The following DHX8 variants were observed in gnomAD, a reference collection of about 807,000 sequenced individuals.
DHX8 encodes the protein DEAH-box helicase 8, also known as ATP-dependent RNA helicase DHX8.
A neutral mutation model predicts 140.7 loss-of-function variants in DHX8; 67 were observed. That is an observed-to-expected ratio of 0.48 (90% CI 0.39 to 0.58). DHX8 has a LOEUF of 0.58. DHX8 is among the 20% of genes least tolerant of loss of function. The pLI is 0.00. For missense variants in DHX8, 887 were observed against 1,550.7 expected (o/e 0.57, Z 7.19); for synonymous variants, 533 against 553.2 (o/e 0.96, Z 0.51).
At chr17:43,538,939 C>A (rs1002821963) in intron 3 of DHX8, among the ~76,000 whole-genome samples, 5 of 152,092 alleles carry the variant, frequency 3.3e-5, no homozygotes, top group Non-Finnish European at 7.4e-5. Context: ...AACCTCCACA[C>A]CCCCGGCCTA....
intron 8 of DHX8, among the ~76,000 whole-genome samples, chr17:43,495,941 T>A (rs1053202801): frequency 2.0e-5 from 3 of 151,460 alleles, no homozygotes; most frequent in East Asian, 1.9e-4. Context: ...CTAGAAAAAA[T>A]TTAAAAATTA....
At chr17:43,500,677 C>G (rs1364976526) in intron 11 of DHX8, among the ~76,000 whole-genome samples, 2 of 151,948 alleles carry the variant, frequency 1.3e-5, no homozygotes, top group Non-Finnish European at 2.9e-5. Flanking sequence ...CTTTGGGAGG[C>G]TGAGGCGGGC....
chr17:43,533,690 C>A (rs1971084100), intron 2 of DHX8, among the ~76,000 whole-genome samples: 1 of 152,098 alleles, frequency 6.6e-6, no homozygotes, highest in Non-Finnish European at 1.5e-5. Flanking sequence ...GCTGCGTTTT[C>A]CGTCTATTCA....
intron 2 of DHX8, among the ~76,000 whole-genome samples, 188 bp downstream of exon 2, chr17:43,489,722 C>T (rs1166314695): frequency 6.6e-6 from 1 of 151,580 alleles, no homozygotes; most frequent in Non-Finnish European, 1.5e-5. Flanking sequence ...TCCCAAGTAG[C>T]TGGGACTACA....
intron 3 of DHX8, among the ~76,000 whole-genome samples, chr17:43,542,959 G>A (rs1019164881): frequency 3.3e-5 from 5 of 152,268 alleles, no homozygotes; most frequent in East Asian, 1.9e-4. Flanking sequence ...ATGGGTTGCC[G>A]GGGTCACTGA....
rs1047975815 is a variant in DHX8, at chr17:43,515,434, G to A, written c.2644-1733G>A. Among the ~76,000 whole-genome samples the A allele has an allele frequency of 3.9e-5, 6 of 152,284 alleles. No homozygotes were observed. In the South Asian group the frequency reaches 6.2e-4, roughly 16 times the overall value. On this transcript the variant is annotated intron_variant, in intron 17 of 22. Coordinates refer to ENST00000262415, the MANE Select transcript of DHX8 (RefSeq NM_004941.3). ...CATCTCCTGACCACATGATCCACCC[G>A]CCTCAGCCTTCCAAAGTGCTGGGAT... is the stretch of plus-strand genomic sequence containing the variant.
chr17:43,493,942 T>A, intron 8 of DHX8, 56 bp downstream of exon 8: 1 of 1,585,112 alleles, frequency 6.3e-7, no homozygotes, highest in Non-Finnish European at 8.6e-7. Context: ...GCATGGTGCT[T>A]AGGGGTGTGC....
rs571036102 is a variant in DHX8, at chr17:43,539,639, G to A, written c.*20+3141G>A. ...CTACATGAATAAACATGCAATAATCGTTTGTCCTCAGGCTGGCAGAAGTCA... is the reference window on the plus strand; with the variant it reads ...CTACATGAATAAACATGCAATAATCATTTGTCCTCAGGCTGGCAGAAGTCA... On this transcript the variant is annotated intron_variant, in intron 3 of 3. Transcript: ENST00000589898. Among the ~76,000 whole-genome samples the A allele has an allele frequency of 1.2e-4, 18 of 152,262 alleles. 1 individual carries two copies. The East Asian group carries it at 1.9e-3, about 16-fold the overall frequency.
rs201571041 is a variant in DHX8 at position 43,532,746 on chromosome 17, C to T, written c.351-3666C>T. The T allele has an allele frequency of 5.9e-5, 96 of 1,614,046 alleles. 1 individual carries two copies. In the East Asian group the frequency reaches 1.1e-3, roughly 18 times the overall value. ...GCCCCTGGGTACCTGTGCCCATTGACCCCACCCTGGTCCACGGCTGGCTGG... is the reference window on the plus strand; with the variant it reads ...GCCCCTGGGTACCTGTGCCCATTGATCCCACCCTGGTCCACGGCTGGCTGG... On this transcript the variant is annotated intron_variant, in intron 2 of 3. Coordinates refer to the DHX8 transcript ENST00000589898.
chr17:43,520,413 A>G, intron 19 of DHX8, 146 bp downstream of exon 19: 1 of 1,077,948 alleles, frequency 9.3e-7, no homozygotes, highest in Non-Finnish European at 1.3e-6. Flanking sequence ...GAATTTCTCC[A>G]CTGTCACTTT....
At chr17:43,536,533 G>C in intron 3 of DHX8, 2 of 1,548,048 alleles carry the variant, frequency 1.3e-6, no homozygotes, top group Non-Finnish European at 1.8e-6. Context: ...TGTCCCCTGG[G>C]AGGCTCCATT....
chr17:43,539,027 C>T (rs1417389297), intron 3 of DHX8, among the ~76,000 whole-genome samples: 4 of 152,218 alleles, frequency 2.6e-5, no homozygotes, highest in Admixed American at 2.6e-4. Flanking sequence ...TCACCCACGG[C>T]CTCTTACCAG....
downstream of DHX8, chr17:43,525,860 A>G (rs944310043): frequency 2.7e-5 from 27 of 985,296 alleles, no homozygotes; most frequent in East Asian, 1.5e-3. Context: ...CCCAGCACTG[A>G]CAATGTTGAC....
At chr17:43,510,522 G>T (rs893320558) in intron 16 of DHX8, among the ~76,000 whole-genome samples, 1 of 152,174 alleles carries the variant, frequency 6.6e-6, no homozygotes, top group Non-Finnish European at 1.5e-5. Flanking sequence ...TTTATCTCTA[G>T]ATTACCTATA....
intron 2 of DHX8, chr17:43,536,379 T>C (rs1971243769): frequency 8.4e-6 from 13 of 1,540,566 alleles, no homozygotes; most frequent in Non-Finnish European, 1.2e-5. Flanking sequence ...ACTCACTTCC[T>C]GCCATCCTCC....
At position 43,492,968 on chromosome 17, in the gene DHX8, T is replaced by C. The variant is rs761508884; in HGVS notation, c.791T>C (p.Ile264Thr). ...VDRPPPEEPT[I>T]GDIYNGKVTS... ...CGCCCTCCTCCAGAAGAGCCCACCA[T>C]TGGTGACATTTATAATGGCAAAGTT... Residue 264 changes from isoleucine (I) to threonine (T), a missense_variant, in exon 6 of 23, where the codon ATT (isoleucine) becomes ACT (threonine). Physicochemically the swap from Ile to Thr is moderately conservative, Grantham distance 89 (BLOSUM62 -1). This residue lies in a region of DHX8 where 304 missense variants were observed against 306.9 expected (regional missense o/e 0.99). Coordinates refer to ENST00000262415, the MANE Select transcript of DHX8 (RefSeq NM_004941.3). 24 of 1,614,056 alleles carry C rather than the reference T, an allele frequency of 1.5e-5. No individual in the cohort carries two copies. Among genetic ancestry groups the C allele is most frequent in the Non-Finnish European group, 1.8e-5 (21 of 1,180,040 alleles).
downstream of DHX8, chr17:43,528,755 G>C: frequency 1.2e-6 from 2 of 1,611,658 alleles, no homozygotes; most frequent in Non-Finnish European, 1.7e-6. Context: ...TATGGGGAGA[G>C]AGAAGGTCTG....
chr17:43,517,095 A>G lies in DHX8; in HGVS notation c.2644-72A>G, dbSNP rs1970152211. 8 of 1,474,516 alleles carry G rather than the reference A, an allele frequency of 5.4e-6. No homozygotes were observed. The East Asian group carries it at 2.0e-4, about 37-fold the overall frequency. The allele number at this position is 1,474,516 out of a possible 1,614,324, so 91.3% of individuals were successfully genotyped here. On this transcript the variant is annotated intron_variant, in intron 17 of 22. Coordinates refer to ENST00000262415, the MANE Select transcript of DHX8 (RefSeq NM_004941.3). ...GCCAGTTGTTAATTGTCCCCCTTTT[A>G]ACAGATATCCTGGGTAAAGCTGTTA...
chr17:43,533,092 C>T, intron 2 of DHX8: 2 of 1,528,532 alleles, frequency 1.3e-6, no homozygotes, highest in African/African-American at 1.4e-5. Context: ...CTGCCCCCTG[C>T]CTCTACCACC....
Sources: gnomAD v4.1 joint callset for allele counts (sites outside exome capture counted in the v4.1 genomes callset) on GRCh38, gnomAD v4.1.1 for gene constraint, gnomAD v4.1.1 regional missense constraint, MANE v1.5 for transcripts, NCBI Gene and HGNC (gene_info 2026-07-23, HGNC 2026-07-21) for gene names.